The following FAM228A variants were observed in gnomAD, a reference collection of about 807,000 sequenced individuals.
The protein encoded by FAM228A is protein FAM228A.
Under a neutral mutation model 18.6 loss-of-function variants are expected in FAM228A, and 13 were observed. The observed-to-expected ratio is 0.70, with a 90% CI of 0.45 to 1.11. The LOEUF is 1.11. Among genes scored for constraint, FAM228A ranks in the 50% least tolerant of loss-of-function variants. FAM228A has a pLI of 0.00. For synonymous variants in FAM228A, 77 were observed against 86.6 expected (o/e 0.89, Z 0.61); for missense variants, 240 against 242.2 (o/e 0.99, Z 0.06).
In FAM228A at chr2:24,177,839, C is replaced by T. The variant is rs1040729896; in HGVS notation, c.131C>T (p.Ala44Val). The T allele has an allele frequency of 6.2e-7, 1 of 1,601,522 alleles. No individual in the cohort carries two copies. The highest frequency in any genetic ancestry group is 8.5e-7 in the Non-Finnish European group (1 of 1,170,526). The change falls in exon 3 of 6, where the codon GCA becomes GTA. Residue 44 changes from alanine to valine, a missense_variant. Physicochemically the swap from Ala to Val is moderately conservative, Grantham distance 64. Transcript: ENST00000295150. ...GAAGACATTGATGAAGCAGTATGTG[C>T]AATATTATTTAAAGAAAATTCCATT... ...AREDIDEAVCAILFKENSIVK... is the reference protein window; with the variant it reads ...AREDIDEAVCVILFKENSIVK...
intron 2 of FAM228A, chr2:24,176,087 C>T (rs1667683381): frequency 1.0e-6 from 1 of 985,244 alleles, no homozygotes; most frequent in South Asian, 4.7e-5. Context: ...CTTATATTTC[C>T]TGGCAAAATC....
At chr2:24,185,856 T>C (rs1667936462) in intron 5 of FAM228A, among the ~76,000 whole-genome samples, 2 of 152,072 alleles carry the variant, frequency 1.3e-5, no homozygotes, top group South Asian at 4.1e-4. Context: ...AGATTTATTC[T>C]TACTTATTCC....
chr2:24,182,786 C>T (rs1667845905), intron 3 of FAM228A, among the ~76,000 whole-genome samples: 1 of 152,012 alleles, frequency 6.6e-6, no homozygotes, highest in African/African-American at 2.4e-5. Context: ...CACACAATGG[C>T]AACACAAATA....
intron 2 of FAM228A, among the ~76,000 whole-genome samples, chr2:24,177,563 TG>T (rs199984527): frequency 1.3e-5 from 2 of 151,762 alleles, no homozygotes; most frequent in East Asian, 1.9e-4. Flanking sequence ...ATAGTCTGGG[TG>T]GGGGGGTGCT....
intron 5 of FAM228A, 91 bp from the exon 6 acceptor site, chr2:24,190,321 T>C (rs1205428793): frequency 1.4e-6 from 2 of 1,403,448 alleles, no homozygotes; most frequent in Non-Finnish European, 1.9e-6. Context: ...AAAGTGACGA[T>C]TGAGTTCATT....
chr2:24,189,029 A>G (rs1209968830), intron 5 of FAM228A, among the ~76,000 whole-genome samples: 2 of 152,124 alleles, frequency 1.3e-5, no homozygotes, highest in Non-Finnish European at 2.9e-5. Flanking sequence ...TTTTATTTAA[A>G]CACCAGTAAT....
rs537098128 is a variant in FAM228A at position 24,191,053 on chromosome 2, G to T, written c.*422G>T. The T allele has an allele frequency of 2.0e-6, 2 of 990,936 alleles. No homozygotes were observed. Among genetic ancestry groups the T allele is most frequent in the Non-Finnish European group, 2.4e-6 (2 of 833,726 alleles). 61.4% of individuals were successfully genotyped at this position (990,936 alleles called of 1,614,324 possible). ...ATGAAATTTATACCAAAAAATTAGG[G>T]CAAGATGAGATTTTTTGATATTTAA... is the stretch of plus-strand genomic sequence containing the variant. On this transcript the variant is annotated 3_prime_UTR_variant, in exon 6 of 6. Coordinates refer to ENST00000295150, the MANE Select transcript of FAM228A (RefSeq NM_001040710.3).
At position 24,183,651 on chromosome 2, in the gene FAM228A, G is replaced by A; in HGVS notation, c.401+6G>A. 6.3e-7 allele frequency: 1 copy of A among 1,576,356 alleles called. No individual in the cohort carries two copies. The highest frequency in any genetic ancestry group is 8.6e-7 in the Non-Finnish European group (1 of 1,161,688). On this transcript the variant is annotated splice_donor_region_variant and intron_variant, in intron 5 of 5. Transcript: ENST00000295150. ...AGTAAAACTTACAAATACAGGTACA[G>A]ATGAGCAGAACAAACAAATATTTGT...
intron 5 of FAM228A, among the ~76,000 whole-genome samples, chr2:24,189,544 A>G (rs6708328): frequency 0.25 from 38,494 of 151,472 alleles, 5,412 homozygotes; most frequent in South Asian, 0.32. Flanking sequence ...CAGGGACTGC[A>G]TCTTACTATC....
At chr2:24,183,463 A>G (rs976268273) in intron 4 of FAM228A, 32 bp from the exon 5 acceptor site, 1 of 1,608,914 alleles carries the variant, frequency 6.2e-7, no homozygotes, top group Non-Finnish European at 8.5e-7. Flanking sequence ...GTTCTTGAAG[A>G]GTGTTGATTT....
chr2:24,183,889 G>A (rs889693737), intron 5 of FAM228A, among the ~76,000 whole-genome samples: 26 of 152,010 alleles, frequency 1.7e-4, no homozygotes, highest in African/African-American at 6.3e-4. Context: ...GCCCCCTCCC[G>A]AGACAGTCTT....
rs532418884 is a variant in FAM228A, at chr2:24,190,835, C to T, written c.*204C>T. 54 of 1,261,226 alleles carry T rather than the reference C, an allele frequency of 4.3e-5. No homozygotes were observed. The highest frequency in any genetic ancestry group is 1.9e-4 in the South Asian group (6 of 31,364). The allele number at this position is 1,261,226 out of a possible 1,614,324, so 78.1% of individuals were successfully genotyped here. A position where few individuals can be genotyped will look rare whatever the true frequency, so the allele number is the denominator to read the frequency against. On this transcript the variant is annotated 3_prime_UTR_variant, in exon 6 of 6. Coordinates refer to ENST00000295150, the MANE Select transcript of FAM228A (RefSeq NM_001040710.3). Reference sequence around the variant, plus strand: ...AATGTGGGACCTGGACCCCACTTTCCGGAGACATCCTGTCCTTCCGAGGTG... The same window carrying T: ...AATGTGGGACCTGGACCCCACTTTCTGGAGACATCCTGTCCTTCCGAGGTG...
At position 24,191,466 on chromosome 2, in the gene FAM228A, C is replaced by T; in HGVS notation, c.*835C>T. 4.1e-6 allele frequency: 4 copies of T among 985,466 alleles called. No homozygotes were observed. The highest frequency in any genetic ancestry group is 4.8e-6 in the Non-Finnish European group (4 of 829,928). The allele number at this position is 985,466 out of a possible 1,614,324, so 61.0% of individuals were successfully genotyped here. ...TTACCTGTGACTCTTCAGCAGTTTC[C>T]TCTGAGCATAATTATATCTGAGAGC... On this transcript the variant is annotated 3_prime_UTR_variant, in exon 6 of 6. Coordinates refer to ENST00000295150, the MANE Select transcript of FAM228A (RefSeq NM_001040710.3).
chr2:24,186,765 A>G (rs1016154973), intron 5 of FAM228A, among the ~76,000 whole-genome samples: 2 of 151,764 alleles, frequency 1.3e-5, no homozygotes, highest in Non-Finnish European at 2.9e-5. Flanking sequence ...CAGCCTCCTG[A>G]GTAGCTGGGA....
chr2:24,188,091 C>G (rs985786106), intron 5 of FAM228A, among the ~76,000 whole-genome samples: 1 of 152,170 alleles, frequency 6.6e-6, no homozygotes, highest in African/African-American at 2.4e-5. Context: ...GATTTTCTCA[C>G]TGATCCCCTG....
intron 2 of FAM228A, among the ~76,000 whole-genome samples, chr2:24,177,154 T>C (rs572282463): frequency 6.6e-6 from 1 of 152,314 alleles, no homozygotes; most frequent in East Asian, 1.9e-4. Context: ...AAGACACACC[T>C]ACTAGCTGGG....
chr2:24,179,270 A>T, intron 3 of FAM228A: 2 of 678,692 alleles, frequency 2.9e-6, no homozygotes, highest in Non-Finnish European at 3.9e-6. Flanking sequence ...AGAATGTTGA[A>T]TATTATTTAC....
chr2:24,186,251 C>T (rs1437774883), intron 5 of FAM228A, among the ~76,000 whole-genome samples: 8 of 152,254 alleles, frequency 5.3e-5, no homozygotes, highest in Middle Eastern at 3.4e-3. Flanking sequence ...CCACCTGCCT[C>T]GGCCTCCCAA....
At chr2:24,180,833 C>T (rs573488436) in intron 3 of FAM228A, among the ~76,000 whole-genome samples, 45 of 152,284 alleles carry the variant, frequency 3.0e-4, no homozygotes, top group African/African-American at 1.1e-3. Flanking sequence ...AAGGGACCCT[C>T]ATCAGTTGCA....
Sources: allele counts gnomAD v4.1 joint callset (sites outside exome capture counted in the v4.1 genomes callset), GRCh38; gene constraint gnomAD v4.1.1; transcripts MANE v1.5; gene names NCBI Gene and HGNC (gene_info 2026-07-23, HGNC 2026-07-21).